TCF20: variants seen among roughly 807,000 people sequenced by gnomAD.
The protein encoded by TCF20 is transcription factor 20, also known as SPRE-binding protein.
A neutral mutation model predicts 148.6 loss-of-function variants in TCF20; 3 were observed. The observed-to-expected ratio is 0.02, with a 90% CI of 0.01 to 0.05. The LOEUF (loss-of-function observed/expected upper bound fraction) is 0.05. Among genes scored for constraint, TCF20 ranks in the 10% least tolerant of loss-of-function variants. TCF20 has a pLI of 1.00. For synonymous variants in TCF20, 1,049 were observed against 909.5 expected, an observed-to-expected ratio of 1.15 and a Z score of -2.76; for missense variants, 2,350 against 2,429.3, an observed-to-expected ratio of 0.97 and a Z score of 0.69.
intron 2 of TCF20, among the ~76,000 whole-genome samples, chr22:42,204,898 T>C (rs1938284815): frequency 1.3e-5 from 2 of 149,958 alleles, no homozygotes; most frequent in Non-Finnish European, 2.9e-5. Flanking sequence ...TAACATATAC[T>C]GTCAGGTAAA....
intron 1 of TCF20, among the ~76,000 whole-genome samples, chr22:42,339,330 T>TCTAG (rs1225617151): frequency 6.6e-6 from 1 of 152,156 alleles, no homozygotes; most frequent in East Asian, 1.9e-4. Context: ...GCTGGACAGA[T>TCTAG]CTAGAGCCAG....
intron 1 of TCF20, among the ~76,000 whole-genome samples, chr22:42,334,561 G>A (rs1928032965): frequency 2.0e-5 from 3 of 152,254 alleles, no homozygotes; most frequent in Admixed American, 2.0e-4. Context: ...TAGGCTGCAG[G>A]GAGGTGGTTC....
At chr22:42,233,160 C>T (rs1436966593) in intron 1 of TCF20, among the ~76,000 whole-genome samples, 1 of 152,124 alleles carries the variant, frequency 6.6e-6, no homozygotes, top group African/African-American at 2.4e-5. Flanking sequence ...GACCTGAAGT[C>T]ATCCACCTGC....
chr22:42,216,747 A>T (rs1333212902), intron 1 of TCF20, among the ~76,000 whole-genome samples: 1 of 152,180 alleles, frequency 6.6e-6, no homozygotes, highest in Non-Finnish European at 1.5e-5. Context: ...ACAGAGAGGA[A>T]AATAGGAATT....
At chr22:42,272,145 G>A (rs558606167), upstream of TCF20, among the ~76,000 whole-genome samples, 21 of 152,342 alleles carry the variant, frequency 1.4e-4, no homozygotes, top group Middle Eastern at 3.4e-3. Flanking sequence ...AGGCTCTTCC[G>A]GGGCAGAGCT....
At chr22:42,243,326 G>C (rs62240937) in intron 1 of TCF20, among the ~76,000 whole-genome samples, 1,609 of 83,688 alleles carry the variant, frequency 0.019, 17 homozygotes, top group Non-Finnish European at 0.031. Context: ...AAAAAAGTCA[G>C]GCATGATGGC....
Position 42,211,159 on chromosome 22 carries a change from C to T in TCF20, c.4147G>A (p.Asp1383Asn). The T allele has an allele frequency of 1.2e-6, 2 of 1,614,222 alleles. No individual in the cohort carries two copies. The highest frequency in any genetic ancestry group is 8.5e-7 in the Non-Finnish European group (1 of 1,180,044). The change falls in exon 2 of 6, where the codon GAT (aspartate) becomes AAT (asparagine). Residue 1383 changes from aspartate (D) to asparagine (N), a missense_variant. Coordinates refer to ENST00000677622, the MANE Select transcript of TCF20 (RefSeq NM_001378418.1). ...AEAGGDTVTLDDILSLKSGPP... is the reference protein window; with the variant it reads ...AEAGGDTVTLNDILSLKSGPP... ...CCACTCTTCAAAGACAGTATATCATCAAGCGTAACCGTGTCTCCCCCAGCC... is the reference window on the plus strand; with the variant it reads ...CCACTCTTCAAAGACAGTATATCATTAAGCGTAACCGTGTCTCCCCCAGCC...
intron 1 of TCF20, among the ~76,000 whole-genome samples, chr22:42,296,857 C>A (rs534844724): frequency 1.3e-5 from 2 of 152,208 alleles, no homozygotes; most frequent in African/African-American, 4.8e-5. Flanking sequence ...GAAAGCAGCA[C>A]GAGGAGCAGG....
In TCF20 at chr22:42,201,962, C is replaced by T. The variant is rs576134804; in HGVS notation, c.5655+7689G>A. On this transcript the variant is annotated intron_variant, in intron 2 of 5. Transcript: ENST00000677622. ...GAGAGATATAATTCCTGAGTGTGTT[C>T]GTGTTGGCTGATGCTATTTCATAAG... Among the ~76,000 whole-genome samples the T allele has an allele frequency of 2.6e-5, 4 of 152,216 alleles. No individual in the cohort carries two copies. In the South Asian group the frequency reaches 8.3e-4, roughly 32 times the overall value.
At chr22:42,301,454 C>T (rs992803561) in intron 1 of TCF20, among the ~76,000 whole-genome samples, 4 of 152,168 alleles carry the variant, frequency 2.6e-5, no homozygotes, top group Admixed American at 6.5e-5. Flanking sequence ...TGGCCTGGTC[C>T]CTCCAAAGAG....
In TCF20 at chr22:42,210,000, T is replaced by C. The variant is rs770275371; in HGVS notation, c.5306A>G (p.Glu1769Gly). The change falls in exon 2 of 6, where the codon GAG becomes GGG. Residue 1769 changes from glutamate (E) to glycine (G), a missense_variant. Glu to Gly is a moderately conservative substitution (Grantham distance 98, BLOSUM62 -2). Coordinates refer to ENST00000677622, the MANE Select transcript of TCF20 (RefSeq NM_001378418.1). The part of the protein sequence containing the change: ...GSKTDTEEEE[E>G]QQQQQKEQRS... ...CTGCTCCTTCTGCTGCTGCTGCTGCTCTTCCTCCTCCTCAGTGTCCGTCTT... is the reference window on the plus strand; with the variant it reads ...CTGCTCCTTCTGCTGCTGCTGCTGCCCTTCCTCCTCCTCAGTGTCCGTCTT... 1 of 1,613,084 alleles carries C rather than the reference T, an allele frequency of 6.2e-7. No homozygotes were observed. The highest frequency in any genetic ancestry group is 1.3e-5 in the African/African-American group (1 of 75,062).
At chr22:42,179,133 T>C (rs1936622791) in intron 3 of TCF20, among the ~76,000 whole-genome samples, 1 of 148,630 alleles carries the variant, frequency 6.7e-6, no homozygotes, top group Non-Finnish European at 1.5e-5. Flanking sequence ...GAACGTAAAA[T>C]GGGGCAGCCA....
In TCF20 at chr22:42,317,532, G is replaced by A. The variant is rs1231107622; in HGVS notation, c.-37+25947C>T. Among the ~76,000 whole-genome samples the A allele has an allele frequency of 1.3e-5, 2 of 152,124 alleles. No individual in the cohort carries two copies. Among genetic ancestry groups the A allele is most frequent in the African/African-American group, 4.8e-5 (2 of 41,444 alleles). On this transcript the variant is annotated intron_variant, in intron 1 of 1. Coordinates refer to the TCF20 transcript ENST00000515426. This position sits in a 1 kb window ranked among gnomAD's most constrained non-coding sequence, Gnocchi z 4.2. ...TACCCACTCACTACCTGGTACATGGGCAAAGAAAAATACCCCCATCTCACC... is the reference window on the plus strand; with the variant it reads ...TACCCACTCACTACCTGGTACATGGACAAAGAAAAATACCCCCATCTCACC...
intron 2 of TCF20, among the ~76,000 whole-genome samples, chr22:42,184,997 C>T (rs1206932871): frequency 6.6e-6 from 1 of 152,216 alleles, no homozygotes; most frequent in African/African-American, 2.4e-5. Flanking sequence ...AGTCAACTAG[C>T]GTTGTTTAAT....
intron 2 of TCF20, among the ~76,000 whole-genome samples, chr22:42,195,301 T>C (rs1294379415): frequency 6.6e-6 from 1 of 151,596 alleles, no homozygotes; most frequent in Admixed American, 6.6e-5. Flanking sequence ...CCTGTTCCTC[T>C]GCCTTACAAA....
intron 1 of TCF20, among the ~76,000 whole-genome samples, chr22:42,326,254 C>G (rs1342739345): frequency 6.6e-6 from 1 of 152,134 alleles, no homozygotes; most frequent in Non-Finnish European, 1.5e-5. Context: ...CCTGAGGCCT[C>G]TGTTTCTATT....
At chr22:42,298,346 G>A (rs1046736248) in intron 1 of TCF20, among the ~76,000 whole-genome samples, 4 of 152,232 alleles carry the variant, frequency 2.6e-5, no homozygotes, top group South Asian at 2.1e-4. Context: ...CCAAAGGGCC[G>A]ACTGTTGTTG....
At position 42,290,299 on chromosome 22, in the gene TCF20, C is replaced by T. The variant is rs1837711705; in HGVS notation, c.-37+53180G>A. Among the ~76,000 whole-genome samples, 1 of 152,202 alleles carries T rather than the reference C, an allele frequency of 6.6e-6. No individual in the cohort carries two copies. Among genetic ancestry groups the T allele is most frequent in the African/African-American group, 2.4e-5 (1 of 41,462 alleles). On this transcript the variant is annotated intron_variant, in intron 1 of 1. Coordinates refer to the TCF20 transcript ENST00000515426. The surrounding 1 kb of genome is among the most constrained non-coding windows in gnomAD (Gnocchi z 4.2). ...GGCTCGGGGCCCCTGAGAAGCGGCC[C>T]AGCACAGGCCGTCTGATGTCCTCTC...
intron 2 of TCF20, among the ~76,000 whole-genome samples, chr22:42,192,689 A>G (rs1336787909): frequency 6.6e-6 from 1 of 152,172 alleles, no homozygotes; most frequent in Non-Finnish European, 1.5e-5. Flanking sequence ...GCCACCTCTC[A>G]GCCAAGCTTC....
Sources: allele counts gnomAD v4.1 joint callset (sites outside exome capture counted in the v4.1 genomes callset), GRCh38; gene constraint gnomAD v4.1.1; non-coding constraint Gnocchi (gnomAD v3.1); transcripts MANE v1.5; gene names NCBI Gene and HGNC (gene_info 2026-07-23, HGNC 2026-07-21).